The following IGSF3 variants were observed in gnomAD, a reference collection of about 807,000 sequenced individuals.
IGSF3 encodes the protein glu-Trp-Ile EWI motif-containing protein 3.
IGSF3 carries 23 observed loss-of-function variants against 114.4 expected under a neutral mutation model. That is an observed-to-expected ratio of 0.20 (90% CI 0.14 to 0.28). IGSF3 has a LOEUF of 0.28. Among genes scored for constraint, IGSF3 ranks in the 10% least tolerant of loss-of-function variants. IGSF3 has a pLI of 1.00. For missense variants in IGSF3, 1,172 were observed against 1,591.5 expected, an observed-to-expected ratio of 0.74 and a Z score of 4.48; for synonymous variants, 571 against 645.2, an observed-to-expected ratio of 0.88 and a Z score of 1.74.
At chr1:116,620,289 G>A (rs2101023902) in intron 2 of IGSF3, among the ~76,000 whole-genome samples, 1 of 152,258 alleles carries the variant, frequency 6.6e-6, no homozygotes, top group East Asian at 1.9e-4. Context: ...GGAGTTTTCC[G>A]CCCCAGCCTT....
intron 2 of IGSF3, among the ~76,000 whole-genome samples, chr1:116,622,692 T>G (rs1349319039): frequency 6.6e-6 from 1 of 152,220 alleles, no homozygotes; most frequent in Non-Finnish European, 1.5e-5. Flanking sequence ...CTAGTTTCTC[T>G]GCATACATCA....
intron 2 of IGSF3, among the ~76,000 whole-genome samples, chr1:116,645,528 T>C (rs1648327638): frequency 6.6e-6 from 1 of 152,256 alleles, no homozygotes; most frequent in African/African-American, 2.4e-5. Flanking sequence ...GAAGCAAATC[T>C]TTAAAACACT....
Position 116,654,621 on chromosome 1 carries a change from T to C in IGSF3, c.43+11663A>G, listed in dbSNP as rs1361108843. ...AGGTGGGGAAGATGGATTGGCCTTATACTCACCACCCCCCATACGAGGCTC... is the reference window on the plus strand; with the variant it reads ...AGGTGGGGAAGATGGATTGGCCTTACACTCACCACCCCCCATACGAGGCTC... On this transcript the variant is annotated intron_variant, in intron 2 of 10. Coordinates refer to ENST00000369486, the MANE Select transcript of IGSF3 (RefSeq NM_001007237.3). This position sits in a 1 kb window ranked among gnomAD's most constrained non-coding sequence, Gnocchi z 4.4. 6.6e-6 allele frequency among the ~76,000 whole-genome samples: 1 copy of C among 152,152 alleles called. No homozygotes were observed. Among genetic ancestry groups the C allele is most frequent in the Non-Finnish European group, 1.5e-5 (1 of 68,006 alleles).
rs1170999288 is a variant in IGSF3 at position 116,618,021 on chromosome 1, C to T, written c.44-1564G>A. 2.6e-5 allele frequency among the ~76,000 whole-genome samples: 4 copies of T among 152,360 alleles called. No homozygotes were observed. The East Asian group carries it at 7.7e-4, about 29-fold the overall frequency. On this transcript the variant is annotated intron_variant, in intron 2 of 10. Transcript: ENST00000369486. This position sits in a 1 kb window ranked among gnomAD's most constrained non-coding sequence, Gnocchi z 4.7. The stretch of plus-strand genomic sequence containing the variant: ...GGTGAACAGCCGGGACAGCTCAATA[C>T]TAGTGGAGTGCAGCTCTCTGCCCAG...
At position 116,636,949 on chromosome 1, in the gene IGSF3, AT is replaced by A. The variant is rs1411146221; in HGVS notation, c.44-20493del. 6.6e-6 allele frequency among the ~76,000 whole-genome samples: 1 copy of A among 152,226 alleles called. No individual in the cohort carries two copies. The highest frequency in any genetic ancestry group is 2.4e-5 in the African/African-American group (1 of 41,462). ...CAAATTCTACTTGACATTCTTTCAA[AT>A]CAGGGCATTTTATCTAGAAATTATA... On this transcript the variant is annotated intron_variant, in intron 2 of 10. Transcript: ENST00000369486. The surrounding 1 kb of genome is among the most constrained non-coding windows in gnomAD (Gnocchi z 4.5).
chr1:116,616,519 G>A lies in IGSF3; in HGVS notation c.44-62C>T. 1 of 1,429,498 alleles carries A rather than the reference G, an allele frequency of 7.0e-7. No individual in the cohort carries two copies. The highest frequency in any genetic ancestry group is 1.4e-5 in the South Asian group (1 of 73,748). The allele number at this position is 1,429,498 out of a possible 1,614,324, so 88.6% of individuals were successfully genotyped here. A position where few individuals can be genotyped will look rare whatever the true frequency, so the allele number is the denominator to read the frequency against. On this transcript the variant is annotated intron_variant, in intron 2 of 10. Coordinates refer to ENST00000369486, the MANE Select transcript of IGSF3 (RefSeq NM_001007237.3). The surrounding 1 kb of genome is among the most constrained non-coding windows in gnomAD (Gnocchi z 6.6). ...ACTTCTCAGACCAAAATGCAAAGTA[G>A]CCAGCAATCTCCAAAGGGTTTGTTA...
chr1:116,643,543 G>C (rs1370117417), intron 2 of IGSF3, among the ~76,000 whole-genome samples: 1 of 152,252 alleles, frequency 6.6e-6, no homozygotes, highest in Non-Finnish European at 1.5e-5. Flanking sequence ...CTGGTGATCT[G>C]AGGCCAGCCT....
At position 116,605,817 on chromosome 1, in the gene IGSF3, T is replaced by A. The variant is rs1660774733; in HGVS notation, c.1223-1792A>T. On this transcript the variant is annotated intron_variant, in intron 5 of 10. Coordinates refer to ENST00000369486, the MANE Select transcript of IGSF3 (RefSeq NM_001007237.3). This position sits in a 1 kb window ranked among gnomAD's most constrained non-coding sequence, Gnocchi z 5.1. ...TCAAGGAAGAAAATCCTTTCACTTG[T>A]ATTAAGCAGAAGAATGACTTGCAGG... is the stretch of plus-strand genomic sequence containing the variant. Among the ~76,000 whole-genome samples, 2 of 152,326 alleles carry A rather than the reference T, an allele frequency of 1.3e-5. No homozygotes were observed. Among genetic ancestry groups the A allele is most frequent in the South Asian group, 4.1e-4 (2 of 4,830 alleles).
rs1471551508 is a variant in IGSF3, at chr1:116,629,930, A to G, written c.44-13473T>C. ...GCATTAACAGAGACTGTGAGCCCTG[A>G]TGAAAATCATCCTTTCAGGGTACAA... On this transcript the variant is annotated intron_variant, in intron 2 of 10. Coordinates refer to ENST00000369486, the MANE Select transcript of IGSF3 (RefSeq NM_001007237.3). The surrounding 1 kb of genome is among the most constrained non-coding windows in gnomAD (Gnocchi z 4.3). Among the ~76,000 whole-genome samples, 12 of 152,192 alleles carry G rather than the reference A, an allele frequency of 7.9e-5. No homozygotes were observed.
In IGSF3 at chr1:116,616,328, G is replaced by A; in HGVS notation, c.173C>T (p.Ser58Phe). The A allele has an allele frequency of 6.2e-7, 1 of 1,612,164 alleles. No individual in the cohort carries two copies. The highest frequency in any genetic ancestry group is 1.1e-5 in the South Asian group (1 of 90,988). Residue 58 changes from serine to phenylalanine, a missense_variant, in exon 3 of 11, where the codon TCC (serine) becomes TTC (phenylalanine). This residue lies in a region of IGSF3 where 736 missense variants were observed against 1,042.0 expected (regional missense o/e 0.71). Coordinates refer to ENST00000369486, the MANE Select transcript of IGSF3 (RefSeq NM_001007237.3). The surrounding 1 kb of genome is among the most constrained non-coding windows in gnomAD (Gnocchi z 6.6). ...CTCTGGCGACGAAGGCAGGTAAATG[G>A]ACCACTGGAAATTCTGCTCAGAAGG... Reference protein sequence around the residue: ...QGPSEQNFQWSIYLPSSPERE... With the variant: ...QGPSEQNFQWFIYLPSSPERE...
In IGSF3 at chr1:116,647,622, G is replaced by T. The variant is rs1179674297; in HGVS notation, c.43+18662C>A. Among the ~76,000 whole-genome samples, 1 of 152,220 alleles carries T rather than the reference G, an allele frequency of 6.6e-6. No homozygotes were observed. The highest frequency in any genetic ancestry group is 2.4e-5 in the African/African-American group (1 of 41,446). On this transcript the variant is annotated intron_variant, in intron 2 of 10. Coordinates refer to ENST00000369486, the MANE Select transcript of IGSF3 (RefSeq NM_001007237.3). This position sits in a 1 kb window ranked among gnomAD's most constrained non-coding sequence, Gnocchi z 4.6. ...GATGAGGAAATGAGAGTTTAGAAAA[G>T]TAACTTGCAAAATCATACTGCTGGC...
chr1:116,613,136 T>C (rs1322146942), intron 4 of IGSF3, among the ~76,000 whole-genome samples: 2 of 152,214 alleles, frequency 1.3e-5, no homozygotes, highest in Non-Finnish European at 2.9e-5. Context: ...GTAATCTGCA[T>C]TCAGCATCTT....
rs1486144171 is a variant in IGSF3, at chr1:116,627,983, C to T, written c.44-11526G>A. 6.6e-6 allele frequency among the ~76,000 whole-genome samples: 1 copy of T among 152,240 alleles called. No homozygotes were observed. The highest frequency in any genetic ancestry group is 2.4e-5 in the African/African-American group (1 of 41,452). The stretch of plus-strand genomic sequence containing the variant: ...CAGGAATATTCCTCTTCTCCTGACT[C>T]TGCCCAAGGCACTGCTGTGACCCTC... On this transcript the variant is annotated intron_variant, in intron 2 of 10. Transcript: ENST00000369486. The surrounding 1 kb of genome is among the most constrained non-coding windows in gnomAD (Gnocchi z 4.7).
At chr1:116,646,462 C>G (rs942905493) in intron 2 of IGSF3, among the ~76,000 whole-genome samples, 1 of 152,100 alleles carries the variant, frequency 6.6e-6, no homozygotes, top group Non-Finnish European at 1.5e-5. Flanking sequence ...CCTCTCAGCA[C>G]AATATATTAA....
At chr1:116,609,296 G>A (rs976986980) in intron 4 of IGSF3, among the ~76,000 whole-genome samples, 6 of 151,920 alleles carry the variant, frequency 3.9e-5, no homozygotes, top group African/African-American at 1.2e-4. Context: ...GCCCAGGCTG[G>A]AGTGTAGTGG....
rs1648897230 is a variant in IGSF3, at chr1:116,657,258, C to CCTG, written c.43+9023_43+9025dup. ...TCAACTCTGCATCTCCTTTCCTCTC[C>CCTG]CTGATGAAAAGTGCCACCTAGCAAG... On this transcript the variant is annotated intron_variant, in intron 2 of 10. Transcript: ENST00000369486. The surrounding 1 kb of genome is among the most constrained non-coding windows in gnomAD (Gnocchi z 4.2). Among the ~76,000 whole-genome samples, 2 of 152,174 alleles carry CCTG rather than the reference C, an allele frequency of 1.3e-5. No individual in the cohort carries two copies. The highest frequency in any genetic ancestry group is 2.9e-5 in the Non-Finnish European group (2 of 68,034).
At chr1:116,590,769 G>GCATCACAGAAC (rs1660075533) in intron 7 of IGSF3, among the ~76,000 whole-genome samples, 2 of 151,826 alleles carry the variant, frequency 1.3e-5, no homozygotes, top group Admixed American at 6.6e-5. Flanking sequence ...TGAGTCCCAT[G>GCATCACAGAAC]CATCACAGAA....
rs1192981027 is a variant in IGSF3 at position 116,584,624 on chromosome 1, C to CT, written c.2848+20dup. 6.2e-7 allele frequency: 1 copy of CT among 1,613,384 alleles called. No homozygotes were observed. ...TGGGAAACACCAGAGGGAGTGGAAG[C>CT]TTGGGGACGTGGACCCTCACCTGGT... On this transcript the variant is annotated intron_variant, in intron 9 of 10. Transcript: ENST00000369486. This position sits in a 1 kb window ranked among gnomAD's most constrained non-coding sequence, Gnocchi z 5.8.
At chr1:116,637,162 T>C (rs1299793598) in intron 2 of IGSF3, among the ~76,000 whole-genome samples, 1 of 152,194 alleles carries the variant, frequency 6.6e-6, no homozygotes, top group East Asian at 1.9e-4. Context: ...ACCACTCACC[T>C]AAGCTTGACT....
Sources: allele counts gnomAD v4.1 joint callset (sites outside exome capture counted in the v4.1 genomes callset), GRCh38; gene constraint gnomAD v4.1.1; regional missense constraint gnomAD v4.1.1; non-coding constraint Gnocchi (gnomAD v3.1); transcripts MANE v1.5; gene names NCBI Gene and HGNC (gene_info 2026-07-23, HGNC 2026-07-21).